The following LRPPRC variants were observed in gnomAD, a reference collection of about 807,000 sequenced individuals.
LRPPRC encodes leucine rich pentatricopeptide repeat containing, also known as leucine-rich PPR motif-containing protein, mitochondrial.
In LRPPRC, 120 loss-of-function variants were observed where a neutral mutation model predicts 180.3. That is an observed-to-expected ratio of 0.67 (90% confidence interval 0.57 to 0.77). LRPPRC has a LOEUF of 0.77. LRPPRC is among the 30% of genes least tolerant of loss of function. LRPPRC has a pLI of 0.00. For synonymous variants in LRPPRC, 723 were observed against 600.0 expected (o/e 1.21, Z -3.00); for missense variants, 2,012 against 1,657.2 (o/e 1.21, Z -3.72).
In LRPPRC at chr2:43,899,597, A is replaced by G. The variant is rs370537508; in HGVS notation, c.3578T>C (p.Ile1193Thr). 4.2e-5 allele frequency: 68 copies of G among 1,608,328 alleles called. No individual in the cohort carries two copies. The highest frequency in any genetic ancestry group is 6.7e-5 in the African/African-American group (5 of 74,798). Residue 1193 changes from isoleucine (I) to threonine (T), a missense_variant, in exon 33 of 38, where the codon ATA becomes ACA. Ile to Thr is a moderately conservative substitution (Grantham distance 89, BLOSUM62 -1). Transcript: ENST00000260665. The part of the protein sequence containing the change: ...IALAQIKNNN[I>T]DAAIENIENM... The stretch of plus-strand genomic sequence containing the variant: ...TTCAATGTTTTCTATTGCGGCATCT[A>G]TGTTATTACTGTTAAAAGCAAAATA...
intron 18 of LRPPRC, 40 bp from the exon 19 acceptor site, chr2:43,947,815 C>T: frequency 7.5e-7 from 1 of 1,337,956 alleles, no homozygotes; most frequent in Non-Finnish European, 1.1e-6. Context: ...TTAGAAAACA[C>T]ACGTAAAAAT....
intron 25 of LRPPRC, among the ~76,000 whole-genome samples, chr2:43,929,289 A>T (rs1211580186): frequency 2.6e-5 from 4 of 152,230 alleles, no homozygotes; most frequent in African/African-American, 9.6e-5. Flanking sequence ...TTACAGTAAT[A>T]CAATAAGTAC....
At chr2:43,995,381 T>G (rs1265396434) in intron 1 of LRPPRC, among the ~76,000 whole-genome samples, 3 of 152,046 alleles carry the variant, frequency 2.0e-5, no homozygotes, top group Admixed American at 2.0e-4. Context: ...AAGCTAAATT[T>G]CCAATATCTA....
intron 31 of LRPPRC, among the ~76,000 whole-genome samples, chr2:43,905,421 A>G (rs1472014803): frequency 6.6e-6 from 1 of 152,196 alleles, no homozygotes; most frequent in Non-Finnish European, 1.5e-5. Flanking sequence ...CAAATTTTGC[A>G]TGTCTGAAGA....
chr2:43,926,108 A>G, intron 25 of LRPPRC, 147 bp from the exon 26 acceptor site: 1 of 589,124 alleles, frequency 1.7e-6, no homozygotes, highest in African/African-American at 1.9e-5. Flanking sequence ...CTAGTATACA[A>G]TCTATATACT....
chr2:43,913,629 G>A (rs911030634), intron 29 of LRPPRC, among the ~76,000 whole-genome samples: 2 of 152,068 alleles, frequency 1.3e-5, no homozygotes, highest in African/African-American at 2.4e-5. Context: ...AAAATATACG[G>A]CAACATTTAT....
chr2:43,990,842 C>CTTTT (rs11443325), intron 1 of LRPPRC, among the ~76,000 whole-genome samples: 1 of 134,668 alleles, frequency 7.4e-6, no homozygotes, highest in African/African-American at 2.8e-5. Flanking sequence ...CCATCAGGTT[C>CTTTT]TTTTTTTTTT....
intron 36 of LRPPRC, among the ~76,000 whole-genome samples, chr2:43,893,677 A>G (rs1670577296): frequency 6.6e-6 from 1 of 152,158 alleles, no homozygotes; most frequent in South Asian, 2.1e-4. Context: ...TTTGTTCATT[A>G]TATTTGCTTT....
intron 30 of LRPPRC, among the ~76,000 whole-genome samples, chr2:43,909,351 A>G (rs1304247709): frequency 6.6e-6 from 1 of 151,968 alleles, no homozygotes; most frequent in Non-Finnish European, 1.5e-5. Context: ...ACTCCCAAAT[A>G]ACCCTGGTGG....
rs892385857 is a variant in LRPPRC at position 43,922,945 on chromosome 2, A to G, written c.2896+2122T>C. On this transcript the variant is annotated intron_variant, in intron 27 of 37. Transcript: ENST00000260665. ...ATACAAATGTGGTTAAAAAGAATAT[A>G]TACTTCTCTATAGGATTCCACTGGC... Among the ~76,000 whole-genome samples, 5 of 152,208 alleles carry G rather than the reference A, an allele frequency of 3.3e-5. No homozygotes were observed. In the East Asian group the frequency reaches 9.7e-4, roughly 29 times the overall value.
At chr2:43,919,049 C>T (rs182782933) in intron 27 of LRPPRC, among the ~76,000 whole-genome samples, 1 of 151,954 alleles carries the variant, frequency 6.6e-6, no homozygotes, top group Non-Finnish European at 1.5e-5. Context: ...AGAATGTGTA[C>T]GGTGGGTGGG....
At chr2:43,912,384 C>T in intron 30 of LRPPRC, 48 bp downstream of exon 30, 1 of 1,558,688 alleles carries the variant, frequency 6.4e-7, no homozygotes. Flanking sequence ...TAATGGCAGC[C>T]AATATTCTTT....
At chr2:43,988,204 G>A (rs1258113570) in intron 1 of LRPPRC, among the ~76,000 whole-genome samples, 1 of 136,722 alleles carries the variant, frequency 7.3e-6, no homozygotes, top group Non-Finnish European at 1.5e-5. Flanking sequence ...TCGCCCCACT[G>A]CACTCCAGCC....
chr2:43,985,142 CA>C (rs1674474467), intron 1 of LRPPRC, among the ~76,000 whole-genome samples: 1 of 150,950 alleles, frequency 6.6e-6, no homozygotes, highest in Non-Finnish European at 1.5e-5. Context: ...AAGCATGTAC[CA>C]TTTTTTTAAA....
chr2:43,917,060 G>C (rs948563961), intron 29 of LRPPRC, among the ~76,000 whole-genome samples: 2 of 33,578 alleles, frequency 6.0e-5, no homozygotes, highest in African/African-American at 1.2e-4. Context: ...TTTTTTTTTT[G>C]AGACGGAGTC....
At chr2:43,970,289 T>C (rs1254135253) in intron 11 of LRPPRC, among the ~76,000 whole-genome samples, 1 of 152,196 alleles carries the variant, frequency 6.6e-6, no homozygotes, top group Non-Finnish European at 1.5e-5. Flanking sequence ...TCTTTCTAAC[T>C]GAAACTAAAG....
At chr2:43,946,065 T>C (rs750055048) in intron 21 of LRPPRC, 48 bp downstream of exon 21, 4 of 1,584,380 alleles carry the variant, frequency 2.5e-6, no homozygotes, top group Middle Eastern at 1.7e-4. Context: ...TCAAGGTCTG[T>C]AGAGCAGAAT....
intron 1 of LRPPRC, 33 bp downstream of exon 1, chr2:43,995,766 C>T: frequency 1.5e-6 from 2 of 1,348,590 alleles, no homozygotes; most frequent in Non-Finnish European, 1.9e-6. Context: ...CCTGGCGCCG[C>T]AGCTTGCCTG....
chr2:43,888,652 C>CT lies in LRPPRC; in HGVS notation c.4132dup (p.Ser1378LysfsTer3). On this transcript the variant is annotated frameshift_variant, in exon 38 of 38. Transcript: ENST00000260665. LOFTEE classifies it high-confidence loss of function. ...TAGCTGCTGTGCATAAAATTCAAAG[C>CT]TTTCCTGTTAAGGAGAAAAAAAGAG... 3 of 1,589,786 alleles carry CT rather than the reference C, an allele frequency of 1.9e-6. No homozygotes were observed. Among genetic ancestry groups the CT allele is most frequent in the Non-Finnish European group, 2.6e-6 (3 of 1,158,154 alleles).
Sources: allele counts gnomAD v4.1 joint callset (sites outside exome capture counted in the v4.1 genomes callset), GRCh38; gene constraint gnomAD v4.1.1; transcripts MANE v1.5; gene names NCBI Gene and HGNC (gene_info 2026-07-23, HGNC 2026-07-21).